The following AKT3 variants were observed in gnomAD, a reference collection of about 807,000 sequenced individuals.
AKT3 encodes AKT serine/threonine kinase 3, also known as RAC-gamma serine/threonine-protein kinase.
AKT3 carries 15 observed loss-of-function variants against 65.3 expected under a neutral mutation model. The ratio of observed to expected loss-of-function variants is 0.23; its 90% CI spans 0.15 to 0.35. The LOEUF is 0.35. Ranked by LOEUF, AKT3 falls within the 10% of genes least tolerant of loss-of-function variation. The pLI, the probability that AKT3 is intolerant of heterozygous loss-of-function variation, is 1.00. For synonymous variants in AKT3, 206 were observed against 183.8 expected (o/e 1.12, Z -0.98); for missense variants, 243 against 576.5 (o/e 0.42, Z 5.92).
Position 243,552,830 on chromosome 1 carries a change from A to C in AKT3, c.1062T>G (p.Leu354=). ...LPFYNQDHEK[L]FELILMEDIK... is the part of the protein sequence containing the mutation. ...TGTCTTCCATTAATATTAATTCAAA[A>C]AGTTTCTCATGGTCCTGGTTGTAGA... Residue 354 remains leucine (L), a synonymous_variant, in exon 11 of 14, where the codon CTT becomes CTG. Transcript: ENST00000673466. 6.2e-7 allele frequency: 1 copy of C among 1,614,032 alleles called. No individual in the cohort carries two copies. Among genetic ancestry groups the C allele is most frequent in the Non-Finnish European group, 8.5e-7 (1 of 1,179,942 alleles).
rs1225007670 is a variant in AKT3 at position 243,527,916 on chromosome 1, CACACACACACACACACACACAGAG to C, written c.1252-15514_1252-15491del. Among the ~76,000 whole-genome samples the C allele has an allele frequency of 3.5e-3, 345 of 97,408 alleles. 4 individuals are homozygous for C. The highest frequency in any genetic ancestry group is 9.3e-3 in the African/African-American group (193 of 20,768). 63.9% of individuals were successfully genotyped at this position (97,408 alleles called of 152,430 possible). On this transcript the variant is annotated intron_variant, in intron 12 of 13. Transcript: ENST00000673466. Reference sequence around the variant, plus strand: ...ACACACACACACACACACACACACACACACACACACACACACACACAGAGAGAGAGAGAGAGAGAGAGAATTTGA... The same window carrying C: ...ACACACACACACACACACACACACACAGAGAGAGAGAGAGAGAGAATTTGA...
At chr1:243,759,170 C>T (rs1689334203) in intron 2 of AKT3, among the ~76,000 whole-genome samples, 1 of 152,032 alleles carries the variant, frequency 6.6e-6, no homozygotes, top group African/African-American at 2.4e-5. Flanking sequence ...CAAAAATTAG[C>T]TGGGCGTGGT....
intron 4 of AKT3, among the ~76,000 whole-genome samples, chr1:243,646,301 G>A (rs1264320669): frequency 5.9e-5 from 9 of 151,650 alleles, no homozygotes; most frequent in Admixed American, 5.9e-4. Flanking sequence ...TTGAAAACTC[G>A]AGTTAAAATC....
At chr1:243,687,937 G>C (rs1255880734) in intron 3 of AKT3, 1 of 152,002 alleles carries the variant, frequency 6.6e-6, no homozygotes, top group Admixed American at 6.6e-5. Flanking sequence ...CTTAAGATAA[G>C]GCAGCTATTC....
At chr1:243,604,150 C>T (rs902342359) in intron 8 of AKT3, among the ~76,000 whole-genome samples, 2 of 152,156 alleles carry the variant, frequency 1.3e-5, no homozygotes, top group Non-Finnish European at 2.9e-5. Flanking sequence ...CCACCTCAGC[C>T]TCCCATAGTG....
intron 10 of AKT3, among the ~76,000 whole-genome samples, chr1:243,554,263 T>A (rs1673265256): frequency 6.6e-6 from 1 of 152,182 alleles, no homozygotes; most frequent in South Asian, 2.1e-4. Context: ...ATTTCTATTA[T>A]GAAAAGATTT....
intron 2 of AKT3, among the ~76,000 whole-genome samples, chr1:243,775,964 C>A (rs888982161): frequency 6.6e-6 from 1 of 152,166 alleles, no homozygotes; most frequent in Non-Finnish European, 1.5e-5. Context: ...ATAAAGAACA[C>A]TAAAGCATCT....
chr1:243,597,344 AAT>A (rs1676688988), intron 8 of AKT3, among the ~76,000 whole-genome samples: 1 of 152,232 alleles, frequency 6.6e-6, no homozygotes, highest in South Asian at 2.1e-4. Context: ...TAAAATTGAA[AAT>A]ATGTGTACAG....
chr1:243,616,135 A>G (rs1310722487), intron 6 of AKT3, among the ~76,000 whole-genome samples: 1 of 151,362 alleles, frequency 6.6e-6, no homozygotes, highest in Non-Finnish European at 1.5e-5. Flanking sequence ...GATTTCTGAG[A>G]TTTTGGTGCA....
At chr1:243,662,735 A>G (rs1347791395) in intron 4 of AKT3, among the ~76,000 whole-genome samples, 2 of 151,966 alleles carry the variant, frequency 1.3e-5, no homozygotes, top group Non-Finnish European at 2.9e-5. Context: ...ATAAAAATTT[A>G]GAAAAAAAAA....
At chr1:243,732,023 G>A (rs1687599158) in intron 2 of AKT3, among the ~76,000 whole-genome samples, 1 of 151,974 alleles carries the variant, frequency 6.6e-6, no homozygotes, top group Non-Finnish European at 1.5e-5. Flanking sequence ...TCCTCATATA[G>A]ATTTACATAT....
At chr1:243,715,746 G>C (rs903349250) in intron 2 of AKT3, among the ~76,000 whole-genome samples, 8 of 151,952 alleles carry the variant, frequency 5.3e-5, no homozygotes, top group Non-Finnish European at 1.0e-4. Context: ...AGGTTCAAAG[G>C]TGTTACCAAA....
intron 3 of AKT3, among the ~76,000 whole-genome samples, chr1:243,675,388 A>G (rs566512929): frequency 6.1e-4 from 93 of 152,300 alleles, no homozygotes; most frequent in Non-Finnish European, 1.1e-3. Context: ...TTTAGTAGAG[A>G]CGGGGTTTCA....
chr1:243,581,436 A>T (rs1370144497), intron 8 of AKT3, among the ~76,000 whole-genome samples: 2 of 152,222 alleles, frequency 1.3e-5, no homozygotes, highest in Non-Finnish European at 2.9e-5. Context: ...CCACAGCCCA[A>T]AATAAAATTG....
rs1251533365 is a variant in AKT3 at position 243,499,928 on chromosome 1, G to A, written c.*5321C>T. ...CAGTGGGGCTGGTCCTCATCAACGCGGGCGCTGTCCCCGCACGCAGTCGGG... is the reference window on the plus strand; with the variant it reads ...CAGTGGGGCTGGTCCTCATCAACGCAGGCGCTGTCCCCGCACGCAGTCGGG... On this transcript the variant is annotated 3_prime_UTR_variant, in exon 14 of 14. Coordinates refer to ENST00000673466, the MANE Select transcript of AKT3 (RefSeq NM_005465.7). 1.2e-5 allele frequency: 9 copies of A among 762,878 alleles called. No individual in the cohort carries two copies. Among genetic ancestry groups the A allele is most frequent in the Middle Eastern group, 2.2e-4 (1 of 4,470 alleles). The allele number at this position is 762,878 out of a possible 1,614,324, so 47.3% of individuals were successfully genotyped here. A position where few individuals can be genotyped will look rare whatever the true frequency, so the allele number is the denominator to read the frequency against.
intron 3 of AKT3, among the ~76,000 whole-genome samples, chr1:243,665,953 T>A (rs1682739464): frequency 6.6e-6 from 1 of 152,214 alleles, no homozygotes; most frequent in Non-Finnish European, 1.5e-5. Context: ...AACTATCAAC[T>A]GCCATTTCTA....
In AKT3 at chr1:243,695,799, T is replaced by C. The variant is rs557868430; in HGVS notation, c.47-83A>G. ...AAAAAATAAATTATGGTACAATATA[T>C]GTCCTACAACACTGGCCTCCAAAAA... On this transcript the variant is annotated intron_variant, in intron 2 of 13. Transcript: ENST00000673466. 5.3e-6 allele frequency: 7 copies of C among 1,319,808 alleles called. 1 individual carries two copies. The African/African-American group carries it at 7.5e-5, about 14-fold the overall frequency. 81.8% of individuals were successfully genotyped at this position (1,319,808 alleles called of 1,614,324 possible). A position where few individuals can be genotyped will look rare whatever the true frequency, so the allele number is the denominator to read the frequency against.
At chr1:243,556,983 GT>G (rs1673451715) in intron 10 of AKT3, among the ~76,000 whole-genome samples, 1 of 152,090 alleles carries the variant, frequency 6.6e-6, no homozygotes, top group Non-Finnish European at 1.5e-5. Context: ...GACAGCAACT[GT>G]CAATGCCATT....
At chr1:243,668,101 T>C (rs766355995) in intron 3 of AKT3, among the ~76,000 whole-genome samples, 17 of 152,194 alleles carry the variant, frequency 1.1e-4, no homozygotes, top group Non-Finnish European at 2.2e-4. Context: ...TTTTTGCTTA[T>C]TGTCTTTTCA....
Sources: allele counts gnomAD v4.1 joint callset (sites outside exome capture counted in the v4.1 genomes callset), GRCh38; gene constraint gnomAD v4.1.1; transcripts MANE v1.5; gene names NCBI Gene and HGNC (gene_info 2026-07-23, HGNC 2026-07-21).